The following SEC14L1 variants were observed in gnomAD, a reference collection of about 807,000 sequenced individuals.
The protein encoded by SEC14L1 is SEC14-like protein 1.
Under a neutral mutation model 85.3 loss-of-function variants are expected in SEC14L1, and 48 were observed. That is an observed-to-expected ratio of 0.56 (90% CI 0.45 to 0.72). SEC14L1 has a LOEUF of 0.72. Among genes scored for constraint, SEC14L1 ranks in the 30% least tolerant of loss-of-function variants. The pLI is 0.00. For synonymous variants in SEC14L1, 391 were observed against 355.5 expected (o/e 1.10, Z -1.12); for missense variants, 682 against 921.4 (o/e 0.74, Z 3.36).
intron 3 of SEC14L1, among the ~76,000 whole-genome samples, chr17:77,098,477 C>T (rs907358989): frequency 6.6e-6 from 1 of 150,598 alleles, no homozygotes; most frequent in Admixed American, 6.7e-5. Flanking sequence ...TCAGCCTGGG[C>T]GACAGTGAGA....
chr17:77,183,412 A>G (rs78600166), intron 3 of SEC14L1, among the ~76,000 whole-genome samples: 1,834 of 152,338 alleles, frequency 0.012, 23 homozygotes, highest in South Asian at 0.046. Context: ...ATGTCATGAC[A>G]CTTTACCCCT....
At chr17:77,170,668 C>A (rs1974488750) in intron 3 of SEC14L1, among the ~76,000 whole-genome samples, 1 of 152,164 alleles carries the variant, frequency 6.6e-6, no homozygotes, top group East Asian at 1.9e-4. Flanking sequence ...GGACTCTGAA[C>A]AGGGCAATAG....
chr17:77,122,655 C>T (rs912291271), intron 3 of SEC14L1, among the ~76,000 whole-genome samples: 8 of 152,152 alleles, frequency 5.3e-5, no homozygotes, highest in African/African-American at 1.9e-4. Flanking sequence ...CTAAGATGAC[C>T]GTGTGCTCTC....
rs1018849782 is a variant in SEC14L1, at chr17:77,213,435, C to T, written c.1985C>T (p.Ser662Phe). 5 of 1,613,084 alleles carry T rather than the reference C, an allele frequency of 3.1e-6. No homozygotes were observed. The highest frequency in any genetic ancestry group is 4.2e-6 in the Non-Finnish European group (5 of 1,180,034). The change falls in exon 16 of 17, where the codon TCT becomes TTT. Residue 662 changes from serine (S) to phenylalanine (F), a missense_variant. By Grantham distance (155) the Ser-to-Phe change is radical. Transcript: ENST00000436233. The surrounding 1 kb of genome is among the most constrained non-coding windows in gnomAD (Gnocchi z 7.1). ...VDDVLASLQVSSHKCKVMYYT... is the reference protein window; with the variant it reads ...VDDVLASLQVFSHKCKVMYYT... ...GACGTGCTTGCGTCCCTGCAGGTCT[C>T]TTCGCACAAGTGTAAAGTGATGTAC...
At chr17:77,138,425 G>T (rs908323008), upstream of SEC14L1, among the ~76,000 whole-genome samples, 7 of 152,024 alleles carry the variant, frequency 4.6e-5, no homozygotes, top group Non-Finnish European at 8.8e-5. Flanking sequence ...TTTGAGACCG[G>T]CCTGACCAAC....
intron 3 of SEC14L1, among the ~76,000 whole-genome samples, chr17:77,111,052 G>C (rs1263621810): frequency 6.6e-6 from 1 of 151,800 alleles, no homozygotes; most frequent in Non-Finnish European, 1.5e-5. Context: ...AATTAGCCGG[G>C]TATGGTGGCA....
chr17:77,193,239 G>T (rs1975630900), intron 5 of SEC14L1, among the ~76,000 whole-genome samples, 182 bp from the exon 6 acceptor site: 1 of 152,178 alleles, frequency 6.6e-6, no homozygotes, highest in South Asian at 2.1e-4. Context: ...TCATGATTTA[G>T]AATGTGCTTT....
intron 8 of SEC14L1, among the ~76,000 whole-genome samples, chr17:77,196,976 G>C (rs768939359): frequency 2.6e-5 from 4 of 152,198 alleles, no homozygotes; most frequent in Non-Finnish European, 4.4e-5. Context: ...TCTCTCTGCT[G>C]CTGTTTTTCT....
intron 3 of SEC14L1, among the ~76,000 whole-genome samples, chr17:77,180,164 C>T (rs368816497): frequency 5.9e-5 from 9 of 151,742 alleles, no homozygotes; most frequent in Non-Finnish European, 1.0e-4. Flanking sequence ...AGTGCAGTGG[C>T]GTGATCTTGG....
chr17:77,096,845 G>A (rs1971660045), intron 3 of SEC14L1, among the ~76,000 whole-genome samples: 1 of 152,126 alleles, frequency 6.6e-6, no homozygotes, highest in Admixed American at 6.6e-5. Flanking sequence ...TTTGATTTGT[G>A]TAATTTAGCC....
intron 3 of SEC14L1, among the ~76,000 whole-genome samples, chr17:77,135,510 CTCTCTTTCTTTG>C (rs1972767564): frequency 6.6e-6 from 1 of 152,166 alleles, no homozygotes; most frequent in East Asian, 1.9e-4. Context: ...CTCTTTCTTT[CTCTCTTTCTTTG>C]TCTTCCTTCC....
intron 3 of SEC14L1, among the ~76,000 whole-genome samples, chr17:77,107,686 G>A (rs1038318310): frequency 5.3e-5 from 8 of 152,120 alleles, no homozygotes; most frequent in Non-Finnish European, 8.8e-5. Context: ...GGGGATTCCC[G>A]GTGACGTAAA....
Position 77,206,098 on chromosome 17 carries a change from C to A in SEC14L1, c.1170-131C>A. Reference sequence around the variant, plus strand: ...ACAGGGTTCATAGCACTATACATAGCACTATAATTTAAAAAAATTGATTAT... The same window carrying A: ...ACAGGGTTCATAGCACTATACATAGAACTATAATTTAAAAAAATTGATTAT... On this transcript the variant is annotated intron_variant, in intron 11 of 16. Transcript: ENST00000436233. The surrounding 1 kb of genome is among the most constrained non-coding windows in gnomAD (Gnocchi z 4.3). 2.4e-6 allele frequency: 2 copies of A among 820,450 alleles called. No homozygotes were observed. Among genetic ancestry groups the A allele is most frequent in the Non-Finnish European group, 3.8e-6 (2 of 525,576 alleles). 50.8% of individuals were successfully genotyped at this position (820,450 alleles called of 1,614,324 possible).
At position 77,215,827 on chromosome 17, in the gene SEC14L1, A is replaced by G. The variant is rs1043913586; in HGVS notation, c.*1804A>G. The G allele has an allele frequency of 1.6e-4, 148 of 917,520 alleles. 18 individuals carry two copies. Among genetic ancestry groups the G allele is most frequent in the African/African-American group, 1.3e-3 (48 of 37,842 alleles). The allele number at this position is 917,520 out of a possible 1,614,324, so 56.8% of individuals were successfully genotyped here. ...GTAGGTAGGGCTGGTAGGTAGGGTT[A>G]GTAGGTAGGGCTAGTAGGTAGGGTT... On this transcript the variant is annotated 3_prime_UTR_variant, in exon 17 of 17. Coordinates refer to ENST00000436233, the MANE Select transcript of SEC14L1 (RefSeq NM_001143998.2).
intron 9 of SEC14L1, among the ~76,000 whole-genome samples, chr17:77,202,448 G>A (rs1009214244): frequency 6.6e-6 from 1 of 152,004 alleles, no homozygotes; most frequent in Admixed American, 6.6e-5. Context: ...GTGAAACCCC[G>A]TCTCTACTAA....
At chr17:77,181,461 G>A (rs570674163) in intron 3 of SEC14L1, among the ~76,000 whole-genome samples, 31 of 152,350 alleles carry the variant, frequency 2.0e-4, no homozygotes, top group Non-Finnish European at 1.5e-5. Context: ...TGTGCAGGCT[G>A]GAGTGCAATG....
chr17:77,117,893 A>G (rs376955857), intron 3 of SEC14L1, among the ~76,000 whole-genome samples: 5 of 152,338 alleles, frequency 3.3e-5, no homozygotes, highest in South Asian at 2.1e-4. Flanking sequence ...GAAGGCCCTA[A>G]AAACAAGACT....
chr17:77,205,263 C>CT lies in SEC14L1; in HGVS notation c.1099-9dup. 1.2e-6 allele frequency: 2 copies of CT among 1,612,392 alleles called. No individual in the cohort carries two copies. The highest frequency in any genetic ancestry group is 1.7e-6 in the Non-Finnish European group (2 of 1,178,944). ...ACTAATCATGGTAAATTTTCATGCC[C>CT]TTTTGTATGTAGGTTCTCTCCATAA... is the stretch of plus-strand genomic sequence containing the variant. On this transcript the variant is annotated splice_polypyrimidine_tract_variant and intron_variant, in intron 10 of 16. Coordinates refer to ENST00000436233, the MANE Select transcript of SEC14L1 (RefSeq NM_001143998.2).
chr17:77,132,126 G>A (rs1972630600), intron 3 of SEC14L1, among the ~76,000 whole-genome samples: 1 of 152,022 alleles, frequency 6.6e-6, no homozygotes, highest in Non-Finnish European at 1.5e-5. Context: ...GATGGCCCAT[G>A]TCAGGAGTAT....
Sources: gnomAD v4.1 joint callset for allele counts (sites outside exome capture counted in the v4.1 genomes callset) on GRCh38, gnomAD v4.1.1 for gene constraint, Gnocchi (gnomAD v3.1) non-coding constraint, MANE v1.5 for transcripts, NCBI Gene and HGNC (gene_info 2026-07-23, HGNC 2026-07-21) for gene names.